The following ANKRD44 variants were observed in gnomAD, a reference collection of about 807,000 sequenced individuals.
ANKRD44 encodes ankyrin repeat domain 44, also known as serine/threonine-protein phosphatase 6 regulatory ankyrin repeat subunit B.
Under a neutral mutation model 116.0 loss-of-function variants are expected in ANKRD44, and 35 were observed. That is an observed-to-expected ratio of 0.30 (90% CI 0.23 to 0.40). The LOEUF is 0.40. Ranked by LOEUF, ANKRD44 falls within the 10% of genes least tolerant of loss-of-function variation. ANKRD44 has a pLI of 1.00. For missense variants in ANKRD44, 1,014 were observed against 1,242.6 expected, an observed-to-expected ratio of 0.82 and a Z score of 2.77; for synonymous variants, 435 against 461.8, an observed-to-expected ratio of 0.94 and a Z score of 0.74.
intron 6 of ANKRD44, 89 bp downstream of exon 6, chr2:197,125,292 C>A: frequency 8.1e-7 from 1 of 1,240,998 alleles, no homozygotes; most frequent in Admixed American, 1.9e-5. Context: ...AGAAGTCAGA[C>A]TGGAGAAAAC....
chr2:197,051,310 C>G (rs2077103250), intron 16 of ANKRD44, among the ~76,000 whole-genome samples: 1 of 152,098 alleles, frequency 6.6e-6, no homozygotes, highest in Non-Finnish European at 1.5e-5. Context: ...ACAATAGAGC[C>G]CAACCTTCTC....
chr2:197,018,264 C>T (rs950564393), intron 17 of ANKRD44, among the ~76,000 whole-genome samples: 6 of 152,250 alleles, frequency 3.9e-5, no homozygotes, highest in African/African-American at 1.4e-4. Flanking sequence ...TCACTGATAC[C>T]AATATCCAAA....
intron 1 of ANKRD44, chr2:197,263,261 A>G: frequency 1.8e-6 from 1 of 569,954 alleles, no homozygotes. Flanking sequence ...ACGTCCCCTT[A>G]CCTCACTTGT....
intron 1 of ANKRD44, among the ~76,000 whole-genome samples, chr2:197,308,780 C>A (rs924221007): frequency 2.9e-4 from 44 of 152,338 alleles, no homozygotes; most frequent in African/African-American, 1.1e-3. Context: ...TAATACACTT[C>A]TCACTAGGGT....
intron 2 of ANKRD44, among the ~76,000 whole-genome samples, chr2:197,153,225 CAAA>C (rs75600123): frequency 6.1e-4 from 42 of 69,338 alleles, no homozygotes; most frequent in Admixed American, 2.9e-3. Context: ...AAGACCCTGC[CAAA>C]AAAAAAAAAA....
intron 1 of ANKRD44, among the ~76,000 whole-genome samples, chr2:197,190,100 G>T (rs182312156): frequency 6.6e-6 from 1 of 152,284 alleles, no homozygotes; most frequent in Admixed American, 6.5e-5. Flanking sequence ...ATCCCCAGGA[G>T]CCATTAGGAA....
intron 1 of ANKRD44, among the ~76,000 whole-genome samples, chr2:197,188,390 G>A (rs2080738640): frequency 6.6e-6 from 1 of 152,236 alleles, no homozygotes; most frequent in Non-Finnish European, 1.5e-5. Flanking sequence ...GTGCAAAGGT[G>A]TGGATGTGCA....
intron 1 of ANKRD44, among the ~76,000 whole-genome samples, chr2:197,275,293 T>G (rs2083042657): frequency 6.6e-6 from 1 of 151,798 alleles, no homozygotes; most frequent in Admixed American, 6.6e-5. Flanking sequence ...ATGTGGATTT[T>G]TTGTTGAGAC....
At chr2:197,038,189 C>T (rs537782149) in intron 16 of ANKRD44, among the ~76,000 whole-genome samples, 42 of 152,084 alleles carry the variant, frequency 2.8e-4, no homozygotes, top group Non-Finnish European at 4.9e-4. Flanking sequence ...AGGTCCATCA[C>T]TTGTAACAAA....
At chr2:197,001,112 T>C (rs940784841) in intron 22 of ANKRD44, among the ~76,000 whole-genome samples, 3 of 152,256 alleles carry the variant, frequency 2.0e-5, no homozygotes. Context: ...ATCTACTTTA[T>C]GCCTCCAATA....
chr2:196,985,145 G>A (rs1240283779), downstream of ANKRD44, among the ~76,000 whole-genome samples: 1 of 152,176 alleles, frequency 6.6e-6, no homozygotes, highest in Non-Finnish European at 1.5e-5. Flanking sequence ...CAGCCATCAA[G>A]GAACTGAGGC....
intron 8 of ANKRD44, among the ~76,000 whole-genome samples, chr2:197,117,777 CCT>C (rs2078748132): frequency 6.6e-6 from 1 of 152,194 alleles, no homozygotes; most frequent in Non-Finnish European, 1.5e-5. Context: ...GTCCCGTTCC[CCT>C]GTTCTCTTAT....
chr2:197,101,672 C>T (rs1013291291), intron 9 of ANKRD44, among the ~76,000 whole-genome samples: 4 of 152,238 alleles, frequency 2.6e-5, no homozygotes, highest in Admixed American at 1.3e-4. Context: ...GCAAAAATAT[C>T]TTCTCCTCTT....
intron 27 of ANKRD44, 38 bp downstream of exon 27, chr2:196,993,545 G>A: frequency 6.7e-7 from 1 of 1,487,608 alleles, no homozygotes. Flanking sequence ...CTAGCTTATG[G>A]AAGGTACCTG....
At chr2:197,233,061 T>G (rs2081903062) in intron 1 of ANKRD44, among the ~76,000 whole-genome samples, 1 of 152,190 alleles carries the variant, frequency 6.6e-6, no homozygotes, top group Non-Finnish European at 1.5e-5. Context: ...TACATTCTAC[T>G]CCGGGGAAGC....
chr2:197,154,475 G>A (rs566220210), intron 2 of ANKRD44, among the ~76,000 whole-genome samples: 7 of 152,216 alleles, frequency 4.6e-5, no homozygotes, highest in African/African-American at 1.4e-4. Context: ...CACCGCGCCC[G>A]GCCACTATCG....
chr2:197,091,912 C>T (rs1052679829), intron 10 of ANKRD44, among the ~76,000 whole-genome samples: 1 of 152,152 alleles, frequency 6.6e-6, no homozygotes, highest in Non-Finnish European at 1.5e-5. Flanking sequence ...TTTCATAAAT[C>T]TAGTAGTATT....
rs145300254 is a variant in ANKRD44, at chr2:197,097,467, T to C, written c.1100+2349A>G. ...CTGGTAAGAGCGTACTGAATCTTAG[T>C]GTAGAGCTCTTTCCACAAAACTGAG... On this transcript the variant is annotated intron_variant, in intron 10 of 27. Transcript: ENST00000282272. Among the ~76,000 whole-genome samples, 856 of 152,260 alleles carry C rather than the reference T, an allele frequency of 5.6e-3. 7 individuals carry two copies. The highest frequency in any genetic ancestry group is 0.02 in the African/African-American group (824 of 41,534).
downstream of ANKRD44, among the ~76,000 whole-genome samples, chr2:196,985,955 A>G (rs1395375698): frequency 6.6e-6 from 1 of 152,192 alleles, no homozygotes; most frequent in Non-Finnish European, 1.5e-5. Flanking sequence ...GGTAATGGTG[A>G]CAATACCAAA....
Sources: gnomAD v4.1 joint callset for allele counts (sites outside exome capture counted in the v4.1 genomes callset) on GRCh38, gnomAD v4.1.1 for gene constraint, MANE v1.5 for transcripts, NCBI Gene and HGNC (gene_info 2026-07-23, HGNC 2026-07-21) for gene names.